GMEB1: variants seen among roughly 807,000 people sequenced by gnomAD.
GMEB1 encodes glucocorticoid modulatory element binding protein 1.
GMEB1 carries 6 observed loss-of-function variants against 52.4 expected under a neutral mutation model. The ratio of observed to expected loss-of-function variants is 0.11; its 90% CI spans 0.06 to 0.23. GMEB1 has a LOEUF of 0.23. Ranked by LOEUF, GMEB1 falls within the 10% of genes least tolerant of loss-of-function variation. The pLI is 1.00. For missense variants in GMEB1, 486 were observed against 685.6 expected (o/e 0.71, Z 3.25); for synonymous variants, 255 against 244.9 (o/e 1.04, Z -0.38).
At chr1:28,705,835 T>C (rs1670733399) in intron 8 of GMEB1, among the ~76,000 whole-genome samples, 1 of 151,922 alleles carries the variant, frequency 6.6e-6, no homozygotes, top group South Asian at 2.1e-4. Context: ...GTCTGAAAAT[T>C]GGAGAAATCC....
chr1:28,694,758 G>A (rs1670121447), intron 5 of GMEB1, among the ~76,000 whole-genome samples: 1 of 151,772 alleles, frequency 6.6e-6, no homozygotes, highest in Admixed American at 6.6e-5. Flanking sequence ...CCGCCTCCCA[G>A]GTTCAAGTGA....
chr1:28,689,037 G>A (rs1669829018), intron 2 of GMEB1, among the ~76,000 whole-genome samples: 2 of 151,652 alleles, frequency 1.3e-5, no homozygotes, highest in South Asian at 2.1e-4. Flanking sequence ...GATTACAGGC[G>A]CGCCACCATG....
intron 2 of GMEB1, among the ~76,000 whole-genome samples, chr1:28,687,371 C>CAA (rs1557504166): frequency 6.0e-5 from 2 of 33,522 alleles, no homozygotes; most frequent in African/African-American, 3.8e-4. Flanking sequence ...CACACACACA[C>CAA]ACACACACAC....
chr1:28,696,483 A>T (rs907781866), intron 5 of GMEB1, among the ~76,000 whole-genome samples: 2 of 152,172 alleles, frequency 1.3e-5, no homozygotes, highest in African/African-American at 4.8e-5. Context: ...AAAAATCTTT[A>T]GTGAAAGCCA....
Position 28,711,218 on chromosome 1 carries a change from G to A in GMEB1, c.991+576G>A, listed in dbSNP as rs1028790336. ...GGAGAAGGGCGTGAACCCGGGAGGC[G>A]GAGGTTTCAGTGAACCAAAATAGTG... On this transcript the variant is annotated intron_variant, in intron 9 of 9. Coordinates refer to ENST00000373816, the MANE Select transcript of GMEB1 (RefSeq NM_001319674.2). Among the ~76,000 whole-genome samples, 8 of 151,578 alleles carry A rather than the reference G, an allele frequency of 5.3e-5. No homozygotes were observed. The South Asian group carries it at 6.3e-4, about 12-fold the overall frequency.
At position 28,719,187 on chromosome 1, in the gene GMEB1, G is replaced by T. The variant is rs1475038869; in HGVS notation, c.*4414G>T. On this transcript the variant is annotated 3_prime_UTR_variant, in exon 10 of 10. Transcript: ENST00000373816. ...AGCCTTCCTGCCATATGGTTTCCAC[G>T]AAGGCCTGAGAGTCAGCTGTACAAC... is the stretch of plus-strand genomic sequence containing the variant. 1 of 152,240 alleles carries T rather than the reference G, an allele frequency of 6.6e-6. No individual in the cohort carries two copies. The highest frequency in any genetic ancestry group is 1.5e-5 in the Non-Finnish European group (1 of 68,060). The allele number at this position is 152,240 out of a possible 1,614,324, so 9.4% of individuals were successfully genotyped here.
intron 3 of GMEB1, 72 bp from the exon 4 acceptor site, chr1:28,691,513 G>C (rs1669961960): frequency 1.8e-6 from 2 of 1,130,054 alleles, no homozygotes; most frequent in African/African-American, 3.1e-5. Flanking sequence ...GGAACCAGGA[G>C]ACTAGAGATT....
rs909099102 is a variant in GMEB1 at position 28,716,961 on chromosome 1, AAAAG to A, written c.*2193_*2196del. On this transcript the variant is annotated 3_prime_UTR_variant, in exon 10 of 10. Coordinates refer to ENST00000373816, the MANE Select transcript of GMEB1 (RefSeq NM_001319674.2). ...ACAAATTTAAGGAAAAATAGGTCAA[AAAAG>A]AAAGCACACACCTTAAGAGTGGGAG... 9.9e-5 allele frequency: 15 copies of A among 152,270 alleles called. No individual in the cohort carries two copies. Among genetic ancestry groups the A allele is most frequent in the East Asian group, 7.7e-4 (4 of 5,186 alleles). 9.4% of individuals were successfully genotyped at this position (152,270 alleles called of 1,614,324 possible). A position where few individuals can be genotyped will look rare whatever the true frequency, so the allele number is the denominator to read the frequency against.
chr1:28,699,992 G>A (rs556504308), intron 6 of GMEB1, among the ~76,000 whole-genome samples: 51 of 146,502 alleles, frequency 3.5e-4, no homozygotes, highest in Non-Finnish European at 5.1e-4. Flanking sequence ...GGAAGATCAC[G>A]TATCAGTGAG....
rs1668906671 is a variant in GMEB1, at chr1:28,672,025, T to C, written c.-31+3186T>C. On this transcript the variant is annotated intron_variant, in intron 1 of 9. Coordinates refer to ENST00000373816, the MANE Select transcript of GMEB1 (RefSeq NM_001319674.2). ...CCCAGCTCCTTGGGAGGCAGGAGAATTGCTTGAACTTGGGAGGCGGAAGTT... is the reference window on the plus strand; with the variant it reads ...CCCAGCTCCTTGGGAGGCAGGAGAACTGCTTGAACTTGGGAGGCGGAAGTT... Among the ~76,000 whole-genome samples, 5 of 150,598 alleles carry C rather than the reference T, an allele frequency of 3.3e-5. No homozygotes were observed. The South Asian group carries it at 1.0e-3, about 32-fold the overall frequency.
At chr1:28,713,550 G>A (rs1221264306) in intron 9 of GMEB1, among the ~76,000 whole-genome samples, 4 of 152,254 alleles carry the variant, frequency 2.6e-5, no homozygotes, top group Non-Finnish European at 5.9e-5. Context: ...ACCTCTTTTA[G>A]TTCTGTAATT....
intron 1 of GMEB1, among the ~76,000 whole-genome samples, chr1:28,669,188 G>C (rs1668762538): frequency 6.6e-6 from 1 of 151,818 alleles, no homozygotes; most frequent in African/African-American, 2.4e-5. Context: ...CGGACCGAGG[G>C]GCCCGGAAGT....
chr1:28,703,574 C>T (rs1368732909), intron 7 of GMEB1, among the ~76,000 whole-genome samples: 1 of 151,948 alleles, frequency 6.6e-6, no homozygotes, highest in Non-Finnish European at 1.5e-5. Context: ...ACAGGAGAAG[C>T]ACTTGAACCT....
chr1:28,713,532 C>T (rs1270530544), intron 9 of GMEB1, among the ~76,000 whole-genome samples: 1 of 152,172 alleles, frequency 6.6e-6, no homozygotes, highest in Non-Finnish European at 1.5e-5. Context: ...TTTGTTTGAG[C>T]TCTTAAGACC....
chr1:28,701,355 C>T (rs1670504105), intron 6 of GMEB1, among the ~76,000 whole-genome samples: 1 of 147,018 alleles, frequency 6.8e-6, no homozygotes, highest in Admixed American at 7.1e-5. Flanking sequence ...CTGCAAGCTC[C>T]GCCTCCCGGG....
intron 8 of GMEB1, among the ~76,000 whole-genome samples, chr1:28,704,921 C>A (rs945290330): frequency 6.6e-6 from 1 of 151,270 alleles, no homozygotes; most frequent in South Asian, 2.1e-4. Context: ...AAAAAACTTT[C>A]TAAACATTAG....
Position 28,704,328 on chromosome 1 carries a change from A to G in GMEB1, c.867A>G (p.Thr289=). Residue 289 remains threonine (T), a splice_region_variant and synonymous_variant, in exon 8 of 10, where the codon ACA becomes ACG. Transcript: ENST00000373816. The part of the protein sequence containing the change: ...QRLIQAPFQV[T]DAAVLNNVAH... ...TCATCCAGGCTCCCTTCCAAGTCAC[A>G]GGTAAGTGCACTAATCCTAACAGTA... 6.2e-7 allele frequency: 1 copy of G among 1,610,884 alleles called. No individual in the cohort carries two copies. Among genetic ancestry groups the G allele is most frequent in the Non-Finnish European group, 8.5e-7 (1 of 1,178,442 alleles).
chr1:28,697,163 AT>A, intron 6 of GMEB1, 79 bp downstream of exon 6: 2 of 13,590 alleles, frequency 1.5e-4, no homozygotes, highest in Non-Finnish European at 3.2e-4. Context: ...TTGTGTGTAC[AT>A]ATATATATAT....
intron 1 of GMEB1, among the ~76,000 whole-genome samples, chr1:28,669,236 G>T (rs1262185077): frequency 6.6e-6 from 1 of 151,872 alleles, no homozygotes; most frequent in East Asian, 2.0e-4. Flanking sequence ...GAGTGACTCC[G>T]GACTGAGAGG....
Sources: allele counts gnomAD v4.1 joint callset (sites outside exome capture counted in the v4.1 genomes callset), GRCh38; gene constraint gnomAD v4.1.1; transcripts MANE v1.5; gene names NCBI Gene and HGNC (gene_info 2026-07-23, HGNC 2026-07-21).